DOCK3: variants seen among roughly 807,000 people sequenced by gnomAD.
DOCK3 encodes the protein dedicator of cytokinesis 3, also known as dedicator of cytokinesis protein 3.
DOCK3 carries 60 observed loss-of-function variants against 265.6 expected under a neutral mutation model. That is an observed-to-expected ratio of 0.23 (90% CI 0.18 to 0.28). DOCK3 has a LOEUF of 0.28. Among genes scored for constraint, DOCK3 ranks in the 10% least tolerant of loss-of-function variants. DOCK3 has a pLI of 1.00. For synonymous variants in DOCK3, 881 were observed against 938.0 expected (o/e 0.94, Z 1.11); for missense variants, 1,981 against 2,594.3 (o/e 0.76, Z 5.14).
chr3:50,879,238 A>C (rs1166754459), intron 3 of DOCK3, among the ~76,000 whole-genome samples: 2 of 152,248 alleles, frequency 1.3e-5, no homozygotes, highest in African/African-American at 4.8e-5. Flanking sequence ...CAAAATAACC[A>C]GCTAACATCA....
chr3:50,778,982 T>A (rs1444857626), intron 2 of DOCK3, among the ~76,000 whole-genome samples: 1 of 152,214 alleles, frequency 6.6e-6, no homozygotes, highest in Non-Finnish European at 1.5e-5. Context: ...TTTCTGGCTG[T>A]CAGAACACGT....
At position 50,997,941 on chromosome 3, in the gene DOCK3, G is replaced by A. The variant is rs181834725; in HGVS notation, c.315+63864G>A. 1.5e-3 allele frequency among the ~76,000 whole-genome samples: 230 copies of A among 152,218 alleles called. 2 individuals are homozygous for A. Among genetic ancestry groups the A allele is most frequent in the East Asian group, 7.9e-3 (41 of 5,192 alleles). On this transcript the variant is annotated intron_variant, in intron 5 of 52. Coordinates refer to ENST00000266037, the MANE Select transcript of DOCK3 (RefSeq NM_004947.5). ...GAAGACTTTGCTGCTTCTCTCAATT[G>A]TAATGAGATGTAATATTAGAGAATA...
intron 6 of DOCK3, among the ~76,000 whole-genome samples, chr3:51,068,311 C>T (rs555509668): frequency 1.1e-4 from 16 of 152,028 alleles, no homozygotes; most frequent in East Asian, 1.9e-4. Context: ...GAGGCCGAGG[C>T]GGGCAGATCA....
intron 5 of DOCK3, among the ~76,000 whole-genome samples, chr3:51,052,613 A>C (rs1023522917): frequency 6.6e-6 from 1 of 152,170 alleles, no homozygotes; most frequent in Non-Finnish European, 1.5e-5. Flanking sequence ...TTTCGTGTGA[A>C]AGGACTGAGC....
chr3:50,988,165 G>C (rs1333264845), intron 5 of DOCK3, among the ~76,000 whole-genome samples: 2 of 152,198 alleles, frequency 1.3e-5, no homozygotes, highest in African/African-American at 2.4e-5. Flanking sequence ...CATCTTTGCT[G>C]TTTGGGCACC....
chr3:51,180,223 A>ACACAC lies in DOCK3; in HGVS notation c.1037+19521_1037+19522insCACAC, dbSNP rs1290413867. Reference sequence around the variant, plus strand: ...ACCCTGTCTCAAAAAAAAAAAAAAAAAAACACACACACACACACAAGTGCC... The same window carrying ACACAC: ...ACCCTGTCTCAAAAAAAAAAAAAAAACACACAAACACACACACACACACAAGTGCC... On this transcript the variant is annotated intron_variant, in intron 12 of 52. Transcript: ENST00000266037. Among the ~76,000 whole-genome samples, 72 of 139,860 alleles carry ACACAC rather than the reference A, an allele frequency of 5.1e-4. No individual in the cohort carries two copies. The East Asian group carries it at 6.2e-3, about 12-fold the overall frequency. The allele number at this position is 139,860 out of a possible 152,430, so 91.8% of individuals were successfully genotyped here.
At chr3:50,998,047 C>T (rs142817261) in intron 5 of DOCK3, among the ~76,000 whole-genome samples, 14 of 152,142 alleles carry the variant, frequency 9.2e-5, no homozygotes, top group Admixed American at 8.5e-4. Context: ...GAGTAATATA[C>T]TTTTTGAATG....
In DOCK3 at chr3:51,208,833, C is replaced by T; in HGVS notation, c.1097C>T (p.Ala366Val). 6.2e-7 allele frequency: 1 copy of T among 1,611,976 alleles called. No homozygotes were observed. Among genetic ancestry groups the T allele is most frequent in the Non-Finnish European group, 8.5e-7 (1 of 1,179,194 alleles). ...GAGAACATCATCCGAAAGTCCAGTG[C>T]CAAGTACTCTGCCCCCAGCGCCAGC... ...IHENIIRKSS[A>V]KYSAPSASHG... The change falls in exon 13 of 53, where the codon GCC becomes GTC. Residue 366 changes from alanine (A) to valine (V), a missense_variant. By Grantham distance (64) the Ala-to-Val change is moderately conservative. This residue lies in a region of DOCK3 where 456 missense variants were observed against 539.0 expected (regional missense o/e 0.85). Transcript: ENST00000266037.
At chr3:51,307,451 C>T (rs1322555784) in intron 27 of DOCK3, among the ~76,000 whole-genome samples, 2 of 152,170 alleles carry the variant, frequency 1.3e-5, no homozygotes, top group African/African-American at 2.4e-5. Flanking sequence ...TAACTATATG[C>T]AGTCACTAAA....
chr3:50,905,577 G>T (rs1465964709), intron 4 of DOCK3, among the ~76,000 whole-genome samples: 1 of 152,076 alleles, frequency 6.6e-6, no homozygotes, highest in Non-Finnish European at 1.5e-5. Flanking sequence ...TGTTATTGGT[G>T]TAGAGGAATG....
intron 2 of DOCK3, among the ~76,000 whole-genome samples, chr3:50,816,793 TTTC>T (rs2044102856): frequency 6.6e-6 from 1 of 152,126 alleles, no homozygotes; most frequent in Admixed American, 6.5e-5. Context: ...TATATTTTCA[TTTC>T]TTTTCTTTCT....
intron 5 of DOCK3, among the ~76,000 whole-genome samples, chr3:51,006,844 A>G (rs1414734895): frequency 1.3e-5 from 2 of 152,166 alleles, no homozygotes; most frequent in Non-Finnish European, 2.9e-5. Context: ...TCATTGTTCA[A>G]TTCCCACCTA....
chr3:51,114,500 A>G (rs951614656), intron 9 of DOCK3, among the ~76,000 whole-genome samples: 2 of 152,196 alleles, frequency 1.3e-5, no homozygotes, highest in Admixed American at 6.5e-5. Flanking sequence ...AGTGTTTTGA[A>G]TTTTTGGATA....
intron 6 of DOCK3, among the ~76,000 whole-genome samples, chr3:51,073,220 A>G (rs542011485): frequency 6.6e-6 from 1 of 152,342 alleles, no homozygotes; most frequent in Admixed American, 6.5e-5. Flanking sequence ...CAGTTTTCTG[A>G]TACAAATGCT....
chr3:50,793,400 C>T (rs2042598692), intron 2 of DOCK3, among the ~76,000 whole-genome samples: 1 of 148,596 alleles, frequency 6.7e-6, no homozygotes, highest in African/African-American at 2.5e-5. Flanking sequence ...CTCTTGTTGC[C>T]CAGGCTGGAG....
intron 27 of DOCK3, among the ~76,000 whole-genome samples, chr3:51,303,056 C>G (rs1000219708): frequency 1.3e-5 from 2 of 152,100 alleles, no homozygotes; most frequent in Admixed American, 6.5e-5. Context: ...TCAGGTACCC[C>G]CATCAGTCGT....
chr3:51,364,331 G>A (rs969942493), intron 49 of DOCK3, among the ~76,000 whole-genome samples: 1 of 151,460 alleles, frequency 6.6e-6, no homozygotes, highest in Non-Finnish European at 1.5e-5. Flanking sequence ...TTTTGATGGG[G>A]TTGTTTGATT....
chr3:50,890,223 G>C, intron 4 of DOCK3, 142 bp downstream of exon 4: 1 of 579,688 alleles, frequency 1.7e-6, no homozygotes, highest in East Asian at 3.5e-5. Flanking sequence ...ATGTAATTTT[G>C]AGGGAATAAT....
intron 5 of DOCK3, among the ~76,000 whole-genome samples, chr3:50,961,655 G>C (rs2076889258): frequency 6.6e-6 from 1 of 152,182 alleles, no homozygotes; most frequent in Non-Finnish European, 1.5e-5. Context: ...AATGAGATAA[G>C]AGGACTTTAA....
Sources: gnomAD v4.1 joint callset for allele counts (sites outside exome capture counted in the v4.1 genomes callset) on GRCh38, gnomAD v4.1.1 for gene constraint, gnomAD v4.1.1 regional missense constraint, MANE v1.5 for transcripts, NCBI Gene and HGNC (gene_info 2026-07-23, HGNC 2026-07-21) for gene names.